Variants in DDX18 observed in about 807,000 individuals in gnomAD.
The protein encoded by DDX18 is DEAD-box helicase 18, also known as ATP-dependent RNA helicase DDX18.
Under a neutral mutation model 73.5 loss-of-function variants are expected in DDX18, and 23 were observed. The ratio of observed to expected loss-of-function variants is 0.31; its 90% confidence interval spans 0.23 to 0.44. The LOEUF (loss-of-function observed/expected upper bound fraction) is 0.44, where lower values mean the gene tolerates loss of function less well. Ranked by LOEUF, DDX18 falls within the 20% of genes least tolerant of loss-of-function variation. The probability of loss-of-function intolerance (pLI) is 1.00; values close to 1 mark genes in which losing one functional copy is unlikely to be tolerated. For synonymous variants in DDX18, 268 were observed against 282.7 expected, an observed-to-expected ratio of 0.95 and a Z score of 0.52; for missense variants, 753 against 792.9, an observed-to-expected ratio of 0.95 and a Z score of 0.60.
At chr2:117,817,134 T>C (rs1452646309) in intron 1 of DDX18, among the ~76,000 whole-genome samples, 4 of 152,246 alleles carry the variant, frequency 2.6e-5, no homozygotes, top group Non-Finnish European at 4.4e-5. Context: ...TGCCATTATC[T>C]GACCTCATCT....
At chr2:117,821,116 A>C in intron 3 of DDX18, 45 bp from the exon 4 acceptor site, 1 of 17,718 alleles carries the variant, frequency 5.6e-5, no homozygotes, top group Non-Finnish European at 1.1e-4. Flanking sequence ...ATACTTTTTT[A>C]AAAAAAAAGA....
chr2:117,819,922 T>G, intron 3 of DDX18, 130 bp downstream of exon 3: 1 of 840,628 alleles, frequency 1.2e-6, no homozygotes, highest in Admixed American at 4.1e-5. Context: ...GAAACTTTTT[T>G]TATATCTTTC....
intron 13 of DDX18, 83 bp downstream of exon 13, chr2:117,829,549 G>T: frequency 7.5e-7 from 1 of 1,331,660 alleles, no homozygotes; most frequent in Non-Finnish European, 1.0e-6. Context: ...GCAGTGGATT[G>T]GTATGTGTTC....
intron 10 of DDX18, 34 bp downstream of exon 10, chr2:117,825,633 C>G (rs897139868): frequency 1.2e-6 from 2 of 1,602,998 alleles, no homozygotes; most frequent in East Asian, 4.5e-5. Flanking sequence ...TTCAGAATGA[C>G]TCTGCATTAA....
intron 7 of DDX18, among the ~76,000 whole-genome samples, chr2:117,823,307 A>G (rs570446289): frequency 2.0e-5 from 3 of 152,324 alleles, no homozygotes; most frequent in South Asian, 2.1e-4. Context: ...ATAATAAGGT[A>G]TATCTCCATG....
intron 2 of DDX18, 71 bp downstream of exon 2, chr2:117,817,799 A>G: frequency 1.4e-6 from 2 of 1,469,500 alleles, no homozygotes; most frequent in South Asian, 2.8e-5. Context: ...TCTTTCTATT[A>G]CTATTGTGTG....
At chr2:117,826,090 T>C in intron 10 of DDX18, 179 bp from the exon 11 acceptor site, 1 of 166,472 alleles carries the variant, frequency 6.0e-6, no homozygotes, top group East Asian at 1.9e-4. Context: ...CTATTGGGGG[T>C]GATGTGCACA....
intron 2 of DDX18, among the ~76,000 whole-genome samples, chr2:117,818,207 G>A (rs1322403929): frequency 2.6e-5 from 4 of 152,254 alleles, no homozygotes; most frequent in Non-Finnish European, 5.9e-5. Flanking sequence ...CAGTAAGCTC[G>A]GATGAAAGAA....
In DDX18 at chr2:117,829,477, C is replaced by G; in HGVS notation, c.1870+11C>G. 1.9e-6 allele frequency: 3 copies of G among 1,601,220 alleles called. No individual in the cohort carries two copies. The highest frequency in any genetic ancestry group is 2.6e-6 in the Non-Finnish European group (3 of 1,175,716). ...CCTTCGTTGATCTGAGTATCCTTTT[C>G]TTTAATGAAGTTATCCTGTGACTAA... On this transcript the variant is annotated intron_variant, in intron 13 of 13. Transcript: ENST00000263239.
chr2:117,822,557 T>G (rs2104622835), intron 7 of DDX18: 1 of 311,930 alleles, frequency 3.2e-6, no homozygotes, highest in African/African-American at 2.2e-5. Flanking sequence ...CCGCAGATTT[T>G]TTGCCTTACT....
rs191090338 is a variant in DDX18, at chr2:117,823,013, A to T, written c.1066+752A>T. 5.8e-3 allele frequency among the ~76,000 whole-genome samples: 880 copies of T among 152,308 alleles called. 9 individuals carry two copies. The highest frequency in any genetic ancestry group is 0.019 in the African/African-American group (797 of 41,566). ...ATGTTTAGTGTATGTTTAACTTTTT[A>T]AAAAACTGCCAGATGTTTTCCAAAG... On this transcript the variant is annotated intron_variant, in intron 7 of 13. Coordinates refer to ENST00000263239, the MANE Select transcript of DDX18 (RefSeq NM_006773.4).
chr2:117,820,386 A>G (rs1237694512), intron 3 of DDX18, among the ~76,000 whole-genome samples: 1 of 152,200 alleles, frequency 6.6e-6, no homozygotes, highest in East Asian at 1.9e-4. Context: ...TTTAGCACTG[A>G]AAGTTCTGAA....
intron 11 of DDX18, 61 bp downstream of exon 11, chr2:117,826,443 T>C: frequency 6.7e-7 from 1 of 1,487,844 alleles, no homozygotes; most frequent in Non-Finnish European, 9.3e-7. Context: ...CAAGCAACAT[T>C]TCTACATGTG....
In DDX18 at chr2:117,814,696, C is replaced by A; in HGVS notation, c.-82C>A. 1.4e-6 allele frequency: 2 copies of A among 1,430,134 alleles called. No homozygotes were observed. The highest frequency in any genetic ancestry group is 1.9e-6 in the Non-Finnish European group (2 of 1,031,498). The allele number at this position is 1,430,134 out of a possible 1,614,324, so 88.6% of individuals were successfully genotyped here. ...TCCTGTTGGCCGAGCTGCGCACGTG[C>A]GGCCGGAAGGGAAGTAACGTCAGCC... On this transcript the variant is annotated 5_prime_UTR_variant, in exon 1 of 14. Transcript: ENST00000263239.
Position 117,814,692 on chromosome 2 carries a change from C to G in DDX18, c.-86C>G. 1.4e-6 allele frequency: 2 copies of G among 1,394,740 alleles called. No individual in the cohort carries two copies. Among genetic ancestry groups the G allele is most frequent in the Non-Finnish European group, 2.0e-6 (2 of 999,362 alleles). 86.4% of individuals were successfully genotyped at this position (1,394,740 alleles called of 1,614,324 possible). A position where few individuals can be genotyped will look rare whatever the true frequency, so the allele number is the denominator to read the frequency against. Reference sequence around the variant, plus strand: ...CGTTTCCTGTTGGCCGAGCTGCGCACGTGCGGCCGGAAGGGAAGTAACGTC... The same window carrying G: ...CGTTTCCTGTTGGCCGAGCTGCGCAGGTGCGGCCGGAAGGGAAGTAACGTC... On this transcript the variant is annotated 5_prime_UTR_variant, in exon 1 of 14. Transcript: ENST00000263239.
chr2:117,818,096 A>G (rs1474093898), intron 2 of DDX18, among the ~76,000 whole-genome samples: 1 of 152,200 alleles, frequency 6.6e-6, no homozygotes, highest in East Asian at 1.9e-4. Flanking sequence ...GTTACAAAGT[A>G]TATAAAGTAG....
intron 3 of DDX18, among the ~76,000 whole-genome samples, chr2:117,819,998 C>G (rs979223372): frequency 6.6e-6 from 1 of 151,566 alleles, no homozygotes; most frequent in Admixed American, 6.6e-5. Flanking sequence ...TGTTTTTTTC[C>G]TTTTGTTCAT....
chr2:117,819,869 A>G (rs1679818297), intron 3 of DDX18, 77 bp downstream of exon 3: 7 of 1,318,138 alleles, frequency 5.3e-6, no homozygotes, highest in Non-Finnish European at 6.9e-6. Flanking sequence ...TTGAAGGTTC[A>G]GTTGTGACTT....
At chr2:117,820,749 G>T (rs1679831995) in intron 3 of DDX18, among the ~76,000 whole-genome samples, 1 of 152,138 alleles carries the variant, frequency 6.6e-6, no homozygotes, top group Non-Finnish European at 1.5e-5. Flanking sequence ...TGTCTTGTTG[G>T]AGTGAGATTA....
Sources: allele counts gnomAD v4.1 joint callset (sites outside exome capture counted in the v4.1 genomes callset), GRCh38; gene constraint gnomAD v4.1.1; transcripts MANE v1.5; gene names NCBI Gene and HGNC (gene_info 2026-07-23, HGNC 2026-07-21).